PCDH15: variants seen among roughly 807,000 people sequenced by gnomAD.
PCDH15 encodes protocadherin-15.
In PCDH15, 129 loss-of-function variants were observed where a neutral mutation model predicts 178.5. That is an observed-to-expected ratio of 0.72 (90% CI 0.63 to 0.84). The LOEUF is 0.84. Among genes scored for constraint, PCDH15 ranks in the 40% least tolerant of loss-of-function variants. The pLI is 0.00. For synonymous variants in PCDH15, 800 were observed against 732.0 expected (o/e 1.09, Z -1.50); for missense variants, 2,230 against 2,099.9 (o/e 1.06, Z -1.21).
intron 28 of PCDH15, 151 bp from the exon 29 acceptor site, chr10:53,840,647 A>G: frequency 2.6e-6 from 2 of 768,796 alleles, no homozygotes; most frequent in South Asian, 3.3e-5. Context: ...CTTGAAAAAC[A>G]TTCTCTATAT....
intron 8 of PCDH15, among the ~76,000 whole-genome samples, chr10:54,298,192 A>G (rs906679348): frequency 6.6e-6 from 1 of 152,164 alleles, no homozygotes; most frequent in Non-Finnish European, 1.5e-5. Context: ...TTAAGGAAAT[A>G]CACTCCACTG....
chr10:55,198,359 A>G (rs1268119720), intron 1 of PCDH15, among the ~76,000 whole-genome samples: 2 of 152,082 alleles, frequency 1.3e-5, no homozygotes, highest in Non-Finnish European at 2.9e-5. Context: ...CAGGGGGCGG[A>G]CTTCCCCCTT....
intron 10 of PCDH15, among the ~76,000 whole-genome samples, chr10:54,211,748 A>AAGAG (rs770165122): frequency 1.3e-5 from 2 of 151,660 alleles, no homozygotes; most frequent in East Asian, 1.9e-4. Context: ...TTAAAGTAAA[A>AAGAG]AGAGAGAGAG....
At position 54,955,043 on chromosome 10, in the gene PCDH15, G is replaced by C. The variant is rs79328624; in HGVS notation, c.-79-57543C>G. Among the ~76,000 whole-genome samples, 963 of 151,218 alleles carry C rather than the reference G, an allele frequency of 6.4e-3. 11 individuals are homozygous for C. Among genetic ancestry groups the C allele is most frequent in the African/African-American group, 0.022 (909 of 41,450 alleles). On this transcript the variant is annotated intron_variant, in intron 2 of 5. Coordinates refer to the PCDH15 transcript ENST00000458638. The stretch of plus-strand genomic sequence containing the variant: ...CAGGTCATTTTTTAATTGTGATAAA[G>C]TATTAATATAATTCATTACGTTTGT...
At chr10:54,144,659 T>C (rs2043734706) in intron 14 of PCDH15, among the ~76,000 whole-genome samples, 1 of 152,172 alleles carries the variant, frequency 6.6e-6, no homozygotes, top group Non-Finnish European at 1.5e-5. Flanking sequence ...TTGCCTATAA[T>C]TGCTGTGTCA....
rs114773277 is a variant in PCDH15, at chr10:54,783,678, A to C, written c.-29+17247T>G. Among the ~76,000 whole-genome samples the C allele has an allele frequency of 1.7e-3, 255 of 152,214 alleles. 2 individuals carry two copies. Among genetic ancestry groups the C allele is most frequent in the African/African-American group, 5.7e-3 (236 of 41,564 alleles). ...TAGATTCAACCCAGAGGGTTTTCTT[A>C]TCGATACTTATAGTAAAACTATCAA... On this transcript the variant is annotated intron_variant, in intron 1 of 37. Coordinates refer to ENST00000644397, the MANE Select transcript of PCDH15 (RefSeq NM_001384140.1).
intron 2 of PCDH15, among the ~76,000 whole-genome samples, chr10:55,410,767 C>T (rs1248127878): frequency 6.6e-6 from 1 of 152,088 alleles, no homozygotes; most frequent in Non-Finnish European, 1.5e-5. Context: ...TAATTAACTC[C>T]TCCCAAATGT....
In PCDH15 at chr10:54,335,602, C is replaced by T. The variant is rs75147808; in HGVS notation, c.595-5896G>A. Among the ~76,000 whole-genome samples the T allele has an allele frequency of 5.8e-3, 880 of 152,280 alleles. 10 individuals carry two copies. The highest frequency in any genetic ancestry group is 0.019 in the African/African-American group (804 of 41,566). On this transcript the variant is annotated intron_variant, in intron 6 of 37. Coordinates refer to ENST00000644397, the MANE Select transcript of PCDH15 (RefSeq NM_001384140.1). ...CTTTTATAAAGGGAAATCACTTTCACTTGATTAAATTCTCTCTTAGTCTGC... is the reference window on the plus strand; with the variant it reads ...CTTTTATAAAGGGAAATCACTTTCATTTGATTAAATTCTCTCTTAGTCTGC...
intron 15 of PCDH15, among the ~76,000 whole-genome samples, chr10:54,097,515 C>T (rs2094722547): frequency 6.6e-6 from 1 of 152,192 alleles, no homozygotes; most frequent in African/African-American, 2.4e-5. Context: ...TCCTCTCTAG[C>T]TTTCCTTCTT....
chr10:55,137,842 T>C (rs1470772906), intron 2 of PCDH15, among the ~76,000 whole-genome samples: 1 of 152,074 alleles, frequency 6.6e-6, no homozygotes, highest in Admixed American at 6.6e-5. Flanking sequence ...GAGCAGCCTT[T>C]AGTCCTGGTG....
chr10:54,857,034 C>A (rs1233438761), intron 3 of PCDH15, among the ~76,000 whole-genome samples: 1 of 152,140 alleles, frequency 6.6e-6, no homozygotes, highest in Non-Finnish European at 1.5e-5. Flanking sequence ...GAGGACTTTA[C>A]TAGAGGAGGA....
intron 10 of PCDH15, among the ~76,000 whole-genome samples, chr10:54,201,767 T>C (rs2050256276): frequency 1.3e-5 from 2 of 151,872 alleles, no homozygotes; most frequent in African/African-American, 2.4e-5. Context: ...TGTGTGAACG[T>C]ACACGAAGTG....
intron 8 of PCDH15, among the ~76,000 whole-genome samples, chr10:54,269,886 G>A (rs1198914990): frequency 1.3e-5 from 2 of 151,892 alleles, no homozygotes; most frequent in Non-Finnish European, 2.9e-5. Flanking sequence ...AATTCAAAGT[G>A]TTTTATATAA....
At chr10:54,422,619 G>A (rs1955683807) in intron 3 of PCDH15, among the ~76,000 whole-genome samples, 1 of 152,124 alleles carries the variant, frequency 6.6e-6, no homozygotes, top group Non-Finnish European at 1.5e-5. Flanking sequence ...TCCTCTCCAA[G>A]TTTTGACAAT....
chr10:54,749,492 TC>T (rs1945909363), intron 1 of PCDH15, among the ~76,000 whole-genome samples: 1 of 152,156 alleles, frequency 6.6e-6, no homozygotes, highest in African/African-American at 2.4e-5. Context: ...TATTACAGCA[TC>T]CCAGTTCCTT....
intron 1 of PCDH15, among the ~76,000 whole-genome samples, chr10:55,170,975 G>C (rs887347765): frequency 6.6e-6 from 1 of 152,178 alleles, no homozygotes; most frequent in African/African-American, 2.4e-5. Flanking sequence ...CTCACTTCCT[G>C]ATGTATCTCC....
At chr10:54,253,537 C>T (rs938859433) in intron 8 of PCDH15, among the ~76,000 whole-genome samples, 2 of 151,898 alleles carry the variant, frequency 1.3e-5, no homozygotes, top group Admixed American at 6.6e-5. Context: ...CAAAATATAC[C>T]CTTGCTGTAT....
At chr10:54,341,067 G>A (rs1250881141) in intron 6 of PCDH15, among the ~76,000 whole-genome samples, 1 of 152,076 alleles carries the variant, frequency 6.6e-6, no homozygotes, top group African/African-American at 2.4e-5. Flanking sequence ...CACTGGCTGT[G>A]ATCAATTATT....
At chr10:54,032,630 G>A (rs1486710648) in intron 18 of PCDH15, among the ~76,000 whole-genome samples, 1 of 151,968 alleles carries the variant, frequency 6.6e-6, no homozygotes, top group Non-Finnish European at 1.5e-5. Context: ...AAGAAAATAA[G>A]ACACATTTTG....
Sources: allele counts gnomAD v4.1 joint callset (sites outside exome capture counted in the v4.1 genomes callset), GRCh38; gene constraint gnomAD v4.1.1; transcripts MANE v1.5; gene names NCBI Gene and HGNC (gene_info 2026-07-23, HGNC 2026-07-21).